FBXL17: variants seen among roughly 807,000 people sequenced by gnomAD.
FBXL17 encodes the protein F-box and leucine rich repeat protein 17.
In FBXL17, 22 loss-of-function variants were observed where a neutral mutation model predicts 66.2. The observed-to-expected ratio is 0.33, with a 90% CI of 0.24 to 0.47. FBXL17 has a LOEUF of 0.47. Among genes scored for constraint, FBXL17 ranks in the 20% least tolerant of loss-of-function variants. The pLI is 1.00. For synonymous variants in FBXL17, 474 were observed against 400.5 expected (o/e 1.18, Z -2.19); for missense variants, 878 against 948.2 (o/e 0.93, Z 0.97).
chr5:108,360,265 C>T (rs1748260250), intron 3 of FBXL17, among the ~76,000 whole-genome samples: 1 of 152,074 alleles, frequency 6.6e-6, no homozygotes, highest in African/African-American at 2.4e-5. Context: ...TCTTGTAGGG[C>T]AGATCTATTA....
At chr5:107,914,907 C>T (rs1253895376) in intron 7 of FBXL17, among the ~76,000 whole-genome samples, 2 of 152,124 alleles carry the variant, frequency 1.3e-5, no homozygotes, top group South Asian at 2.1e-4. Context: ...AGCTAATAAA[C>T]CTCCCTTCTT....
chr5:108,040,413 T>C (rs1747001991), intron 6 of FBXL17, among the ~76,000 whole-genome samples: 1 of 152,204 alleles, frequency 6.6e-6, no homozygotes, highest in South Asian at 2.1e-4. Context: ...CCTAAAGTTA[T>C]ACTAGATTCT....
At chr5:108,362,752 T>C (rs991945750) in intron 3 of FBXL17, among the ~76,000 whole-genome samples, 5 of 152,242 alleles carry the variant, frequency 3.3e-5, no homozygotes, top group Admixed American at 6.5e-5. Flanking sequence ...AAGCAACTGT[T>C]TTTGTAAACA....
intron 6 of FBXL17, among the ~76,000 whole-genome samples, chr5:108,027,640 ATTGT>A (rs764990377): frequency 7.4e-4 from 112 of 152,240 alleles, no homozygotes; most frequent in Admixed American, 2.0e-3. Flanking sequence ...TGGATCAAAT[ATTGT>A]TTATTTTTTG....
At chr5:108,237,680 T>C (rs1362380026) in intron 4 of FBXL17, among the ~76,000 whole-genome samples, 1 of 152,088 alleles carries the variant, frequency 6.6e-6, no homozygotes, top group Non-Finnish European at 1.5e-5. Flanking sequence ...CCAGCAGGTA[T>C]ACACAAGACC....
At chr5:108,333,241 A>G (rs1212113769) in intron 4 of FBXL17, among the ~76,000 whole-genome samples, 1 of 151,110 alleles carries the variant, frequency 6.6e-6, no homozygotes, top group African/African-American at 2.4e-5. Context: ...CTATAAGACA[A>G]ATATTAATGT....
chr5:108,202,834 GT>G (rs1331163477), intron 5 of FBXL17, among the ~76,000 whole-genome samples: 1 of 152,148 alleles, frequency 6.6e-6, no homozygotes, highest in Non-Finnish European at 1.5e-5. Flanking sequence ...ACAGCAGATG[GT>G]GGGATCTACT....
At chr5:108,380,628 G>C in intron 1 of FBXL17, 71 bp downstream of exon 1, 3 of 987,706 alleles carry the variant, frequency 3.0e-6, no homozygotes, top group Non-Finnish European at 4.0e-6. Flanking sequence ...GGGGAGGAGA[G>C]AGAAAGCCTC....
chr5:108,152,471 A>C (rs142626211), intron 6 of FBXL17, among the ~76,000 whole-genome samples: 375 of 152,300 alleles, frequency 2.5e-3, no homozygotes, highest in African/African-American at 8.7e-3. Context: ...TATACTGATA[A>C]GTGCATATAC....
intron 7 of FBXL17, among the ~76,000 whole-genome samples, chr5:107,950,419 A>G (rs895910723): frequency 6.6e-6 from 1 of 152,214 alleles, no homozygotes. Flanking sequence ...TGAATATAGA[A>G]TAATCATTAT....
chr5:108,201,688 C>T (rs113515648), intron 5 of FBXL17, among the ~76,000 whole-genome samples: 11 of 151,822 alleles, frequency 7.2e-5, no homozygotes, highest in African/African-American at 2.7e-4. Flanking sequence ...AAGCTCCAAA[C>T]CTGGTTTCTC....
At chr5:108,303,188 G>A (rs1440716504) in intron 4 of FBXL17, among the ~76,000 whole-genome samples, 3 of 151,760 alleles carry the variant, frequency 2.0e-5, no homozygotes, top group Non-Finnish European at 4.4e-5. Flanking sequence ...TAATTAGTGA[G>A]TATAGGGCAC....
chr5:108,165,638 G>A (rs1284782928), intron 6 of FBXL17, among the ~76,000 whole-genome samples: 1 of 152,206 alleles, frequency 6.6e-6, no homozygotes, highest in Non-Finnish European at 1.5e-5. Flanking sequence ...CTAGCTGCAT[G>A]AATCTGGACA....
chr5:108,244,833 C>T (rs1228743775), intron 4 of FBXL17, among the ~76,000 whole-genome samples: 2 of 152,110 alleles, frequency 1.3e-5, no homozygotes, highest in African/African-American at 2.4e-5. Context: ...ACAAGTTTAA[C>T]TGTATATAAC....
chr5:108,053,205 T>C (rs555555398), intron 6 of FBXL17, among the ~76,000 whole-genome samples: 1 of 152,242 alleles, frequency 6.6e-6, no homozygotes, highest in South Asian at 2.1e-4. Flanking sequence ...TGGGATCTAA[T>C]TAAACTAAAG....
intron 7 of FBXL17, among the ~76,000 whole-genome samples, chr5:107,939,773 G>A (rs551648566): frequency 4.6e-5 from 7 of 151,970 alleles, no homozygotes; most frequent in Admixed American, 1.3e-4. Context: ...TCTGTCTTCC[G>A]AAGTCTACTA....
intron 5 of FBXL17, among the ~76,000 whole-genome samples, chr5:108,203,322 G>T (rs1312456138): frequency 1.3e-5 from 2 of 151,866 alleles, no homozygotes; most frequent in East Asian, 1.9e-4. Context: ...TAGGTGATTT[G>T]TCCTAGGTCA....
At chr5:108,040,288 G>A (rs1047370090) in intron 6 of FBXL17, among the ~76,000 whole-genome samples, 1 of 152,064 alleles carries the variant, frequency 6.6e-6, no homozygotes, top group African/African-American at 2.4e-5. Flanking sequence ...CTTTGGGAAG[G>A]ATCTGGGGAA....
chr5:108,009,194 C>CATATATAT lies in FBXL17; in HGVS notation c.1822+11723_1822+11730dup, dbSNP rs373679985. ...GTATGAACATAGTTCATTTGAAAAG[C>CATATATAT]ATATATATATATATATATATATATA... is the stretch of plus-strand genomic sequence containing the variant. On this transcript the variant is annotated intron_variant, in intron 7 of 8. Transcript: ENST00000542267. Among the ~76,000 whole-genome samples, 62 of 54,144 alleles carry CATATATAT rather than the reference C, an allele frequency of 1.1e-3. 2 individuals are homozygous for CATATATAT. Among genetic ancestry groups the CATATATAT allele is most frequent in the East Asian group, 2.9e-3 (3 of 1,018 alleles). 35.5% of individuals were successfully genotyped at this position (54,144 alleles called of 152,430 possible). A position where few individuals can be genotyped will look rare whatever the true frequency, so the allele number is the denominator to read the frequency against.
Sources: allele counts gnomAD v4.1 joint callset (sites outside exome capture counted in the v4.1 genomes callset), GRCh38; gene constraint gnomAD v4.1.1; transcripts MANE v1.5; gene names NCBI Gene and HGNC (gene_info 2026-07-23, HGNC 2026-07-21).